The following ALOX15B variants were observed in gnomAD, a reference collection of about 807,000 sequenced individuals.
ALOX15B encodes arachidonate 15-lipoxygenase type B, also known as polyunsaturated fatty acid lipoxygenase ALOX15B.
Under a neutral mutation model 73.8 loss-of-function variants are expected in ALOX15B, and 74 were observed. That is an observed-to-expected ratio of 1.00 (90% confidence interval 0.83 to 1.22). ALOX15B has a LOEUF of 1.22. Ranked by LOEUF, ALOX15B falls within the 50% of genes most tolerant of loss-of-function variation. The pLI is 0.00. For synonymous variants in ALOX15B, 353 were observed against 357.2 expected (o/e 0.99, Z 0.13); for missense variants, 896 against 859.9 (o/e 1.04, Z -0.52).
Position 8,042,358 on chromosome 17 carries a change from C to G in ALOX15B, c.450-11C>G, listed in dbSNP as rs1049251408. 7 of 1,613,300 alleles carry G rather than the reference C, an allele frequency of 4.3e-6. No homozygotes were observed. The African/African-American group carries it at 5.3e-5, about 12-fold the overall frequency. ...GCCTCTTGCTGACCACCTTCCCTCT[C>G]TACCCTCCAGGTGGAAGGCTTACAA... On this transcript the variant is annotated splice_polypyrimidine_tract_variant and intron_variant, in intron 3 of 13. Coordinates refer to ENST00000380183, the MANE Select transcript of ALOX15B (RefSeq NM_001141.3).
chr17:8,041,878 G>A (rs1382212512), intron 3 of ALOX15B, among the ~76,000 whole-genome samples: 3 of 152,218 alleles, frequency 2.0e-5, no homozygotes, highest in Non-Finnish European at 4.4e-5. Context: ...TACAAGATGC[G>A]TCTGTGTTAG....
chr17:8,039,325 G>C, intron 1 of ALOX15B, 23 bp downstream of exon 1: 1 of 1,588,592 alleles, frequency 6.3e-7, no homozygotes, highest in Non-Finnish European at 8.6e-7. Context: ...GAGTGGATGG[G>C]GTGGAGGTGA....
intron 5 of ALOX15B, among the ~76,000 whole-genome samples, chr17:8,043,378 C>T (rs568564745): frequency 4.6e-5 from 7 of 152,138 alleles, no homozygotes; most frequent in Non-Finnish European, 1.0e-4. Context: ...GTTCGGGGAA[C>T]AGTGAGTGTG....
At position 8,044,971 on chromosome 17, in the gene ALOX15B, T is replaced by C; in HGVS notation, c.819T>C (p.Gly273=). ...VTDAMVASVL[G]PGTSLQAELE... ...ATGCCATGGTGGCCTCAGTGTTGGG[T>C]CCTGGGACCAGCTTGCAGGCTGAGC... The change falls in exon 6 of 14, where the codon GGT becomes GGC. Residue 273 remains glycine, a synonymous_variant. Coordinates refer to ENST00000380183, the MANE Select transcript of ALOX15B (RefSeq NM_001141.3). 6.2e-7 allele frequency: 1 copy of C among 1,614,066 alleles called. No homozygotes were observed. The highest frequency in any genetic ancestry group is 2.2e-5 in the East Asian group (1 of 44,880).
rs200119128 is a variant in ALOX15B at position 8,039,381 on chromosome 17, C to T, written c.148-5C>T. On this transcript the variant is annotated splice_region_variant and splice_polypyrimidine_tract_variant and intron_variant, in intron 1 of 13. Coordinates refer to ENST00000380183, the MANE Select transcript of ALOX15B (RefSeq NM_001141.3). ...CGGCCTGACGCATACTTAACCTCCC[C>T]TCAGGAGGAGGACTTCCAGGTGACG... 180 of 1,611,982 alleles carry T rather than the reference C, an allele frequency of 1.1e-4. 1 individual carries two copies. The East Asian group carries it at 3.7e-3, about 33-fold the overall frequency.
chr17:8,048,399 CCTA>C lies in ALOX15B; in HGVS notation c.1866_1868del (p.Tyr623del). ...GTGGATCCTCAGAGGCCCCTGGGCA[CCTA>C]TCCGGATGAGCACTTCACAGAGGAG... On this transcript the variant is annotated inframe_deletion, in exon 14 of 14. Coordinates refer to ENST00000380183, the MANE Select transcript of ALOX15B (RefSeq NM_001141.3). 1 of 1,612,490 alleles carries C rather than the reference CCTA, an allele frequency of 6.2e-7. No individual in the cohort carries two copies. The highest frequency in any genetic ancestry group is 8.5e-7 in the Non-Finnish European group (1 of 1,179,066).
At chr17:8,047,209 C>T (rs1251229315) in intron 10 of ALOX15B, 49 bp from the exon 11 acceptor site, 2 of 1,612,076 alleles carry the variant, frequency 1.2e-6, no homozygotes, top group Admixed American at 3.3e-5. Flanking sequence ...AGGCATTCCT[C>T]AGAGCGGGTC....
At position 8,039,968 on chromosome 17, in the gene ALOX15B, G is replaced by C. The variant is rs560167917; in HGVS notation, c.434G>C (p.Arg145Pro). The change falls in exon 3 of 14, where the codon CGG becomes CCG. Residue 145 changes from arginine to proline, a missense_variant. Physicochemically the swap from Arg to Pro is moderately radical, Grantham distance 103. Coordinates refer to ENST00000380183, the MANE Select transcript of ALOX15B (RefSeq NM_001141.3). The stretch of plus-strand genomic sequence containing the variant: ...CAGCGCCAGGAGGAGCTTCAGGCCC[G>C]GCAGGAGATGTACCAGTGAGGAGGG... ...QQQRQEELQA[R>P]QEMYQWKAYN... The C allele has an allele frequency of 3.7e-6, 6 of 1,613,474 alleles. No homozygotes were observed. The highest frequency in any genetic ancestry group is 2.2e-5 in the South Asian group (2 of 91,068).
rs748409515 is a variant in ALOX15B at position 8,044,883 on chromosome 17, A to G, written c.731A>G (p.Asn244Ser). The change falls in exon 6 of 14, where the codon AAT (asparagine) becomes AGT (serine). Residue 244 changes from asparagine to serine, a missense_variant. Physicochemically the swap from Asn to Ser is conservative, Grantham distance 46. Coordinates refer to ENST00000380183, the MANE Select transcript of ALOX15B (RefSeq NM_001141.3). The stretch of plus-strand genomic sequence containing the variant: ...GCCTTCTTCGCCTCCCAGTTCCTGA[A>G]TGGTCTCAACCCTGTCCTGATCCGC... ...EDAFFASQFL[N>S]GLNPVLIRRC... 6.2e-7 allele frequency: 1 copy of G among 1,613,882 alleles called. No homozygotes were observed. The highest frequency in any genetic ancestry group is 8.5e-7 in the Non-Finnish European group (1 of 1,179,936).
rs544212398 is a variant in ALOX15B, at chr17:8,039,460, A to G, written c.222A>G (p.Pro74=). 9 of 1,606,316 alleles carry G rather than the reference A, an allele frequency of 5.6e-6. No homozygotes were observed. In the East Asian group the frequency reaches 1.6e-4, roughly 28 times the overall value. Residue 74 remains proline, a synonymous_variant, in exon 2 of 14, where the codon CCA becomes CCG. Coordinates refer to ENST00000380183, the MANE Select transcript of ALOX15B (RefSeq NM_001141.3). ...TGCTGCGCGTGCACAAGGCGCCCCC[A>G]GTGCTGCCCCTGCTGGGGCCCCTGG... ...VLLLRVHKAP[P]VLPLLGPLAP...
intron 8 of ALOX15B, 65 bp from the exon 9 acceptor site, chr17:8,046,603 G>A (rs1017383722): frequency 1.3e-6 from 2 of 1,513,940 alleles, no homozygotes; most frequent in South Asian, 1.2e-5. Context: ...GTGCCTGTGT[G>A]GGGGAAGGTC....
rs1976590427 is a variant in ALOX15B at position 8,045,694 on chromosome 17, G to A, written c.1200+8G>A. The A allele has an allele frequency of 6.2e-7, 1 of 1,612,564 alleles. No homozygotes were observed. The highest frequency in any genetic ancestry group is 8.5e-7 in the Non-Finnish European group (1 of 1,179,748). ...TGCCACCCTCTCTTCAAGGTCAGTG[G>A]CTTGACAAGGTGGCCCAGCCTGTGC... On this transcript the variant is annotated splice_region_variant and intron_variant, in intron 8 of 13. Coordinates refer to ENST00000380183, the MANE Select transcript of ALOX15B (RefSeq NM_001141.3).
At chr17:8,040,651 G>GAAAGAAAGAAAGAA (rs1415986255) in intron 3 of ALOX15B, among the ~76,000 whole-genome samples, 2 of 92,502 alleles carry the variant, frequency 2.2e-5, no homozygotes, top group South Asian at 3.3e-4. Context: ...AAGAAAGAAA[G>GAAAGAAAGAAAGAA]AAAAGAAAGA....
chr17:8,048,454 C>G lies in ALOX15B; in HGVS notation c.1920C>G (p.Phe640Leu), dbSNP rs761569403. The change falls in exon 14 of 14, where the codon TTC (phenylalanine) becomes TTG (leucine). Residue 640 changes from phenylalanine (F) to leucine (L), a missense_variant. Phe to Leu is a conservative substitution (Grantham distance 22). Transcript: ENST00000380183. ...EEAPRRSIAT[F>L]QSRLAQISRG... ...CCCCTCGGCGGAGCATCGCCACCTT[C>G]CAGAGCCGCCTGGCCCAGATCTCGA... is the stretch of plus-strand genomic sequence containing the variant. 4 of 1,614,014 alleles carry G rather than the reference C, an allele frequency of 2.5e-6. No individual in the cohort carries two copies. In the East Asian group the frequency reaches 6.7e-5, roughly 27 times the overall value.
In ALOX15B at chr17:8,039,098, G is replaced by A. The variant is rs533198158; in HGVS notation, c.-58G>A. On this transcript the variant is annotated 5_prime_UTR_variant, in exon 1 of 14. Transcript: ENST00000380183. ...GGGGCAATAACCAGGCGTGTCCCAG[G>A]GGGGAGCCCCGCTCTGCAGCCCTGT... 4.3e-5 allele frequency: 68 copies of A among 1,573,672 alleles called. No homozygotes were observed. Among genetic ancestry groups the A allele is most frequent in the Non-Finnish European group, 5.5e-5 (64 of 1,162,848 alleles).
Position 8,043,702 on chromosome 17 carries a change from A to G in ALOX15B, c.676+818A>G, listed in dbSNP as rs145068813. On this transcript the variant is annotated intron_variant, in intron 5 of 13. Coordinates refer to ENST00000380183, the MANE Select transcript of ALOX15B (RefSeq NM_001141.3). ...AGGCAGTGGCAATGCAATGGAGAGG[A>G]TGGGTGGACCGAGAGGTACTCAGGA... Among the ~76,000 whole-genome samples the G allele has an allele frequency of 5.2e-3, 789 of 152,206 alleles. 8 individuals carry two copies. The highest frequency in any genetic ancestry group is 0.018 in the African/African-American group (768 of 41,520).
In ALOX15B at chr17:8,048,641, G is replaced by A; in HGVS notation, c.*76G>A. 1 of 1,506,880 alleles carries A rather than the reference G, an allele frequency of 6.6e-7. No individual in the cohort carries two copies. The highest frequency in any genetic ancestry group is 2.1e-5 in the Admixed American group (1 of 47,380). 93.3% of individuals were successfully genotyped at this position (1,506,880 alleles called of 1,614,324 possible). A position where few individuals can be genotyped will look rare whatever the true frequency, so the allele number is the denominator to read the frequency against. On this transcript the variant is annotated 3_prime_UTR_variant, in exon 14 of 14. Coordinates refer to ENST00000380183, the MANE Select transcript of ALOX15B (RefSeq NM_001141.3). ...AGGATAACTGGCACCCAGAGAAAAG[G>A]ACTCCTCAGAAAAAACAGGCCCCCA... is the stretch of plus-strand genomic sequence containing the variant.
chr17:8,039,426 G>A lies in ALOX15B; in HGVS notation c.188G>A (p.Arg63Gln), dbSNP rs749524873. The change falls in exon 2 of 14, where the codon CGA (arginine) becomes CAA (glutamine). Residue 63 changes from arginine to glutamine, a missense_variant. By Grantham distance (43) the Arg-to-Gln change is conservative (BLOSUM62 1). Coordinates refer to ENST00000380183, the MANE Select transcript of ALOX15B (RefSeq NM_001141.3). ...FQVTLPEDVGRVLLLRVHKAP... is the reference protein window; with the variant it reads ...FQVTLPEDVGQVLLLRVHKAP... The stretch of plus-strand genomic sequence containing the variant: ...GTGACGCTCCCGGAGGACGTAGGCC[G>A]AGTGCTGCTGCTGCGCGTGCACAAG... The A allele has an allele frequency of 1.9e-6, 3 of 1,612,526 alleles. No individual in the cohort carries two copies. The highest frequency in any genetic ancestry group is 3.3e-5 in the Admixed American group (2 of 59,886).
intron 3 of ALOX15B, 47 bp from the exon 4 acceptor site, chr17:8,042,322 G>C: frequency 6.2e-7 from 1 of 1,605,032 alleles, no homozygotes; most frequent in Non-Finnish European, 8.5e-7. Flanking sequence ...CTAGCAAAGA[G>C]TCTCCCTGAG....
Sources: gnomAD v4.1 joint callset for allele counts (sites outside exome capture counted in the v4.1 genomes callset) on GRCh38, gnomAD v4.1.1 for gene constraint, MANE v1.5 for transcripts, NCBI Gene and HGNC (gene_info 2026-07-23, HGNC 2026-07-21) for gene names.